ARHGEF38: variants seen among roughly 807,000 people sequenced by gnomAD.
ARHGEF38 encodes the protein Rho guanine nucleotide exchange factor 38.
A neutral mutation model predicts 79.9 loss-of-function variants in ARHGEF38; 79 were observed. The observed-to-expected ratio is 0.99, with a 90% CI of 0.82 to 1.19. The LOEUF is 1.19. Among genes scored for constraint, ARHGEF38 ranks in the 50% most tolerant of loss-of-function variants. ARHGEF38 has a pLI of 0.00. For missense variants in ARHGEF38, 962 were observed against 907.2 expected, an observed-to-expected ratio of 1.06 and a Z score of -0.78; for synonymous variants, 366 against 328.3, an observed-to-expected ratio of 1.11 and a Z score of -1.24.
At chr4:105,577,964 GC>G (rs1726586553) in intron 1 of ARHGEF38, among the ~76,000 whole-genome samples, 1 of 151,888 alleles carries the variant, frequency 6.6e-6, no homozygotes, top group African/African-American at 2.4e-5. Context: ...TCTTCTGCTA[GC>G]TTTGGATTGA....
intron 2 of ARHGEF38, among the ~76,000 whole-genome samples, chr4:105,610,287 T>C (rs748042847): frequency 6.6e-6 from 1 of 152,078 alleles, no homozygotes; most frequent in Non-Finnish European, 1.5e-5. Flanking sequence ...TATACCTATG[T>C]GACAAACCTG....
chr4:105,645,429 A>C, intron 6 of ARHGEF38, 42 bp downstream of exon 6: 1 of 1,431,518 alleles, frequency 7.0e-7, no homozygotes, highest in Non-Finnish European at 9.3e-7. Flanking sequence ...CCATTATTGG[A>C]GTGTTTGCTT....
At chr4:105,670,750 T>C (rs1023189643) in intron 13 of ARHGEF38, among the ~76,000 whole-genome samples, 1 of 152,214 alleles carries the variant, frequency 6.6e-6, no homozygotes. Flanking sequence ...GTGAAATCTA[T>C]GTACCTGATT....
At chr4:105,619,566 A>C (rs77466568) in intron 3 of ARHGEF38, among the ~76,000 whole-genome samples, 1 of 152,192 alleles carries the variant, frequency 6.6e-6, no homozygotes, top group East Asian at 1.9e-4. Context: ...AACTTATTTC[A>C]ACTCAAATGG....
At chr4:105,653,425 C>T (rs558577370) in intron 7 of ARHGEF38, among the ~76,000 whole-genome samples, 6 of 151,422 alleles carry the variant, frequency 4.0e-5, no homozygotes, top group African/African-American at 1.5e-4. Flanking sequence ...CGGGTTCAAG[C>T]GACTCTCCTG....
intron 1 of ARHGEF38, among the ~76,000 whole-genome samples, chr4:105,576,378 T>A (rs1726499745): frequency 6.6e-6 from 1 of 150,694 alleles, no homozygotes; most frequent in East Asian, 2.0e-4. Flanking sequence ...TGGTTAAGTA[T>A]ATTCTTAGTT....
intron 3 of ARHGEF38, among the ~76,000 whole-genome samples, chr4:105,625,522 T>C (rs1728908715): frequency 6.6e-6 from 1 of 152,210 alleles, no homozygotes. Flanking sequence ...ACAGCTCCAC[T>C]CACCAAGAGG....
chr4:105,675,718 T>A (rs1037376132), intron 13 of ARHGEF38, among the ~76,000 whole-genome samples: 1 of 152,200 alleles, frequency 6.6e-6, no homozygotes, highest in Non-Finnish European at 1.5e-5. Context: ...CTCACAGTTG[T>A]GGAGGCTGGA....
chr4:105,680,348 T>C lies in ARHGEF38; in HGVS notation c.*2411T>C. Reference sequence around the variant, plus strand: ...AAGCTTACTTGTTAGCACACTTGCTTATCTGTCCATTCATTCATTGAACCA... The same window carrying C: ...AAGCTTACTTGTTAGCACACTTGCTCATCTGTCCATTCATTCATTGAACCA... On this transcript the variant is annotated 3_prime_UTR_variant, in exon 14 of 14. Transcript: ENST00000420470. 1 of 263,200 alleles carries C rather than the reference T, an allele frequency of 3.8e-6. No individual in the cohort carries two copies. The highest frequency in any genetic ancestry group is 5.1e-5 in the South Asian group (1 of 19,590). The allele number at this position is 263,200 out of a possible 1,614,324, so 16.3% of individuals were successfully genotyped here.
intron 13 of ARHGEF38, among the ~76,000 whole-genome samples, chr4:105,674,978 A>G (rs1196726751): frequency 1.3e-5 from 2 of 152,198 alleles, no homozygotes; most frequent in African/African-American, 4.8e-5. Flanking sequence ...ATGATTACCA[A>G]CCACTAATGC....
intron 9 of ARHGEF38, among the ~76,000 whole-genome samples, chr4:105,657,292 A>G (rs1483464933): frequency 1.3e-5 from 2 of 152,206 alleles, no homozygotes; most frequent in Non-Finnish European, 2.9e-5. Flanking sequence ...GATGGAAAGA[A>G]GCCAGAAGTG....
chr4:105,656,419 G>A (rs1730328250), intron 9 of ARHGEF38, among the ~76,000 whole-genome samples: 1 of 152,174 alleles, frequency 6.6e-6, no homozygotes, highest in Non-Finnish European at 1.5e-5. Context: ...ACTTCCTATT[G>A]AGAAAGACTT....
chr4:105,605,882 C>G (rs1286216954), intron 2 of ARHGEF38, among the ~76,000 whole-genome samples: 1 of 152,096 alleles, frequency 6.6e-6, no homozygotes, highest in African/African-American at 2.4e-5. Context: ...AAAACAAAAC[C>G]TACTTTATCC....
At chr4:105,632,447 A>C (rs1301264651) in intron 4 of ARHGEF38, among the ~76,000 whole-genome samples, 1 of 152,196 alleles carries the variant, frequency 6.6e-6, no homozygotes, top group Non-Finnish European at 1.5e-5. Flanking sequence ...TTCTATTTTC[A>C]GTTTAGGTTC....
chr4:105,575,087 A>G (rs1456008490), intron 1 of ARHGEF38, among the ~76,000 whole-genome samples: 1 of 152,070 alleles, frequency 6.6e-6, no homozygotes, highest in South Asian at 2.1e-4. Context: ...GGTTGGCTTC[A>G]TATCTTTGCA....
chr4:105,664,412 G>C (rs557284134), intron 10 of ARHGEF38, among the ~76,000 whole-genome samples: 1 of 152,144 alleles, frequency 6.6e-6, no homozygotes, highest in East Asian at 1.9e-4. Context: ...CTCTTGTGTT[G>C]TCATTTCATT....
chr4:105,613,660 A>T, intron 3 of ARHGEF38, among the ~76,000 whole-genome samples, 153 bp downstream of exon 3: 1 of 151,910 alleles, frequency 6.6e-6, no homozygotes, highest in Non-Finnish European at 1.5e-5. Context: ...GATTATGCAG[A>T]CTCTGTGTTT....
chr4:105,654,790 G>T (rs1560750708), intron 8 of ARHGEF38, among the ~76,000 whole-genome samples: 1 of 152,164 alleles, frequency 6.6e-6, no homozygotes, highest in Non-Finnish European at 1.5e-5. Context: ...AGAGGAAACA[G>T]TGTCCTTCAT....
At chr4:105,603,087 A>G (rs928051791) in intron 2 of ARHGEF38, among the ~76,000 whole-genome samples, 1 of 152,098 alleles carries the variant, frequency 6.6e-6, no homozygotes, top group Non-Finnish European at 1.5e-5. Context: ...TAGTTTGGGA[A>G]CTGCCTTTAG....
Sources: allele counts gnomAD v4.1 joint callset (sites outside exome capture counted in the v4.1 genomes callset), GRCh38; gene constraint gnomAD v4.1.1; transcripts MANE v1.5; gene names NCBI Gene and HGNC (gene_info 2026-07-23, HGNC 2026-07-21).